SGCG: variants seen among roughly 807,000 people sequenced by gnomAD.
The protein encoded by SGCG is sarcoglycan gamma.
Under a neutral mutation model 29.3 loss-of-function variants are expected in SGCG, and 26 were observed. That is an observed-to-expected ratio of 0.89 (90% confidence interval 0.65 to 1.23). SGCG has a LOEUF of 1.23. SGCG is among the 50% of genes most tolerant of loss of function. SGCG has a pLI of 0.00. For synonymous variants in SGCG, 145 were observed against 129.7 expected (o/e 1.12, Z -0.80); for missense variants, 353 against 356.0 (o/e 0.99, Z 0.07).
chr13:23,242,587 G>A (rs569739396), intron 3 of SGCG, among the ~76,000 whole-genome samples: 4 of 152,268 alleles, frequency 2.6e-5, no homozygotes, highest in African/African-American at 9.6e-5. Context: ...GAGTTCAATT[G>A]AGATGAATAG....
chr13:23,281,462 C>T (rs889078948), intron 5 of SGCG, among the ~76,000 whole-genome samples: 1 of 152,032 alleles, frequency 6.6e-6, no homozygotes, highest in African/African-American at 2.4e-5. Flanking sequence ...TCTAGAGAGT[C>T]CCCAGTTGCT....
intron 2 of SGCG, among the ~76,000 whole-genome samples, chr13:23,224,140 T>A (rs1343074788): frequency 6.6e-6 from 1 of 152,206 alleles, no homozygotes; most frequent in Non-Finnish European, 1.5e-5. Flanking sequence ...TCCTGCTGTT[T>A]CTGAGTCAGT....
chr13:23,188,824 A>G (rs913476914), intron 1 of SGCG, among the ~76,000 whole-genome samples: 1 of 152,082 alleles, frequency 6.6e-6, no homozygotes. Flanking sequence ...AAATGGGAGG[A>G]AGATGCCTGT....
rs534888057 is a variant in SGCG at position 23,199,384 on chromosome 13, C to T, written c.1-4311C>T. Among the ~76,000 whole-genome samples the T allele has an allele frequency of 4.7e-4, 72 of 152,210 alleles. No individual in the cohort carries two copies. In the Middle Eastern group the frequency reaches 0.017, roughly 36 times the overall value. On this transcript the variant is annotated intron_variant, in intron 1 of 7. Transcript: ENST00000218867. ...TGCAATTTCTTGCTGACATGAATACCACTAATGCAGTTGCCTGACCTCCAA... is the reference window on the plus strand; with the variant it reads ...TGCAATTTCTTGCTGACATGAATACTACTAATGCAGTTGCCTGACCTCCAA...
At chr13:23,173,517 C>G in the SGCG span, among the ~76,000 whole-genome samples, 1 of 152,212 alleles carries the variant, frequency 6.6e-6, no homozygotes, top group Non-Finnish European at 1.5e-5. Flanking sequence ...ACAGATCACT[C>G]TATTTCTCTA....
intron 2 of SGCG, chr13:23,217,282 A>G (rs900039827): frequency 6.6e-6 from 1 of 152,136 alleles, no homozygotes; most frequent in African/African-American, 2.4e-5. Flanking sequence ...TACATGTTGT[A>G]TCTACCTTTC....
chr13:23,303,077 T>C (rs1882227101), intron 6 of SGCG, among the ~76,000 whole-genome samples: 1 of 152,244 alleles, frequency 6.6e-6, no homozygotes, highest in Non-Finnish European at 1.5e-5. Context: ...ACTGTAGTCA[T>C]TCAATTTGTC....
At chr13:23,324,215 C>T (rs1883146090) in intron 7 of SGCG, among the ~76,000 whole-genome samples, 153 bp from the exon 8 acceptor site, 1 of 152,188 alleles carries the variant, frequency 6.6e-6, no homozygotes, top group Non-Finnish European at 1.5e-5. Context: ...TTAAAAGAAT[C>T]GGATAATTAC....
chr13:23,244,656 A>T lies in SGCG; in HGVS notation c.298-5974A>T, dbSNP rs536549696. The T allele has an allele frequency of 6.6e-5, 10 of 152,292 alleles. No individual in the cohort carries two copies. The South Asian group carries it at 1.9e-3, about 28-fold the overall frequency. The allele number at this position is 152,292 out of a possible 1,614,324, so 9.4% of individuals were successfully genotyped here. A position where few individuals can be genotyped will look rare whatever the true frequency, so the allele number is the denominator to read the frequency against. On this transcript the variant is annotated intron_variant, in intron 3 of 7. Coordinates refer to ENST00000218867, the MANE Select transcript of SGCG (RefSeq NM_000231.3). The stretch of plus-strand genomic sequence containing the variant: ...CACATTTTATGAGAAAAGTTAATAC[A>T]TCTACTTCCTTAACAATATGATTCA...
In SGCG at chr13:23,186,158, C is replaced by T. The variant is rs1876962488; in HGVS notation, c.-1+5083C>T. Among the ~76,000 whole-genome samples, 5 of 152,296 alleles carry T rather than the reference C, an allele frequency of 3.3e-5. No homozygotes were observed. The South Asian group carries it at 1.0e-3, about 32-fold the overall frequency. The stretch of plus-strand genomic sequence containing the variant: ...CTAACACCCTGGCTGGTCTGAGTAG[C>T]CTTGGGGTGACCCTGACATTCAACT... On this transcript the variant is annotated intron_variant, in intron 1 of 7. Transcript: ENST00000218867.
chr13:23,263,162 CAAA>C (rs59432703), intron 4 of SGCG, among the ~76,000 whole-genome samples: 1 of 148,636 alleles, frequency 6.7e-6, no homozygotes, highest in African/African-American at 2.5e-5. Flanking sequence ...AGAGCAGAAA[CAAA>C]AAAAAAATAC....
At position 23,314,382 on chromosome 13, in the gene SGCG, T is replaced by TTATATATATATATATATATATATATA. The variant is rs201480793; in HGVS notation, c.579-6254_579-6229dup. ...TAAATGAAATGATGTCTGCTATAGGTTATATATATATATATATATATATAT... is the reference window on the plus strand; with the variant it reads ...TAAATGAAATGATGTCTGCTATAGGTTATATATATATATATATATATATATATATATATATATATATATATATATAT... On this transcript the variant is annotated intron_variant, in intron 6 of 7. Transcript: ENST00000218867. Among the ~76,000 whole-genome samples the TTATATATATATATATATATATATATA allele has an allele frequency of 1.5e-3, 118 of 78,520 alleles. 1 individual carries two copies. Among genetic ancestry groups the TTATATATATATATATATATATATATA allele is most frequent in the South Asian group, 3.9e-3 (6 of 1,546 alleles). 51.5% of individuals were successfully genotyped at this position (78,520 alleles called of 152,430 possible).
In SGCG at chr13:23,324,373, G is replaced by A. The variant is rs899136360; in HGVS notation, c.708G>A (p.Val236=). The change falls in exon 8 of 8, where the codon GTG becomes GTA. Residue 236 remains valine (V), a synonymous_variant. Coordinates refer to ENST00000218867, the MANE Select transcript of SGCG (RefSeq NM_000231.3). ...TCTCATCTTCTCCCAACCAGCTTGT[G>A]CTTGATGCTGAAACTGTGTGCTTAC... The part of the protein sequence containing the change: ...ILFHSSDGML[V]LDAETVCLPK... 8 of 1,614,014 alleles carry A rather than the reference G, an allele frequency of 5.0e-6. No individual in the cohort carries two copies. The African/African-American group carries it at 9.3e-5, about 19-fold the overall frequency.
At chr13:23,209,515 A>G (rs1878112707) in intron 2 of SGCG, among the ~76,000 whole-genome samples, 1 of 152,244 alleles carries the variant, frequency 6.6e-6, no homozygotes, top group African/African-American at 2.4e-5. Context: ...TATTAACATA[A>G]TCATTTGAAA....
chr13:23,185,902 A>T (rs2137471026), intron 1 of SGCG, among the ~76,000 whole-genome samples: 1 of 152,326 alleles, frequency 6.6e-6, no homozygotes. Flanking sequence ...ACATAGCACG[A>T]GTCCACCCCT....
intron 4 of SGCG, among the ~76,000 whole-genome samples, chr13:23,276,622 G>T (rs1435480463): frequency 6.6e-6 from 1 of 152,030 alleles, no homozygotes; most frequent in African/African-American, 2.4e-5. Flanking sequence ...CAGCAGAAAC[G>T]GGGTTTCACC....
chr13:23,174,250 G>A, the SGCG span, among the ~76,000 whole-genome samples: 1 of 152,178 alleles, frequency 6.6e-6, no homozygotes, highest in African/African-American at 2.4e-5. Context: ...TCAACCTGCA[G>A]ATGGGGACAG....
chr13:23,241,068 G>A (rs1214265721), intron 3 of SGCG, among the ~76,000 whole-genome samples: 4 of 148,058 alleles, frequency 2.7e-5, no homozygotes, highest in Non-Finnish European at 5.9e-5. Context: ...AGAATGGCAT[G>A]AACCCAGGAG....
At chr13:23,306,956 G>A (rs886808275) in intron 6 of SGCG, among the ~76,000 whole-genome samples, 1 of 152,178 alleles carries the variant, frequency 6.6e-6, no homozygotes, top group African/African-American at 2.4e-5. Context: ...TACATTATGT[G>A]AAAAGTAATA....
Sources: allele counts gnomAD v4.1 joint callset (sites outside exome capture counted in the v4.1 genomes callset), GRCh38; gene constraint gnomAD v4.1.1; transcripts MANE v1.5; gene names NCBI Gene and HGNC (gene_info 2026-07-23, HGNC 2026-07-21).